TMEM275: variants seen among roughly 807,000 people sequenced by gnomAD.
TMEM275 encodes transmembrane protein 275.
At chr1:46,534,024 C>A (rs1557798830) in intron 1 of TMEM275, among the ~76,000 whole-genome samples, 2 of 152,158 alleles carry the variant, frequency 1.3e-5, no homozygotes, top group Admixed American at 6.5e-5. Flanking sequence ...TGATAATCAT[C>A]GTCTTCAGTA....
intron 1 of TMEM275, among the ~76,000 whole-genome samples, 124 bp from the exon 3 acceptor site, chr1:46,534,165 C>G (rs1041598693): frequency 1.4e-5 from 2 of 142,774 alleles, no homozygotes; most frequent in African/African-American, 5.3e-5. Context: ...GAAACCGAGG[C>G]TCCCAGAGGT....
rs1666689172 is a variant in TMEM275 at position 46,533,112 on chromosome 1, C to A, written c.416G>T (p.Gly139Val). Residue 139 changes from glycine to valine, a missense_variant, in exon 2 of 2, where the codon GGC becomes GTC. Transcript: ENST00000634804. This position sits in a 1 kb window ranked among gnomAD's most constrained non-coding sequence, Gnocchi z 4.4. The stretch of plus-strand genomic sequence containing the variant: ...GGGGCTGGGGCCGGGGCTGGAGCAG[C>A]CGGAGGACGCGGCGGAGACGGCAGG... 1 of 391,692 alleles carries A rather than the reference C, an allele frequency of 2.6e-6. No individual in the cohort carries two copies. Among genetic ancestry groups the A allele is most frequent in the African/African-American group, 2.1e-5 (1 of 48,310 alleles). The allele number at this position is 391,692 out of a possible 1,614,324, so 24.3% of individuals were successfully genotyped here.
Position 46,535,203 on chromosome 1 carries a change from AAC to A in TMEM275, c.-123-1555_-123-1554del, listed in dbSNP as rs906425013. Reference sequence around the variant, plus strand: ...GGCTAGTGTCAGATCCTTCACTTGCAACACACAGGATGCGCAGGTCAGAGGAC... The same window carrying A: ...GGCTAGTGTCAGATCCTTCACTTGCAACACAGGATGCGCAGGTCAGAGGAC... On this transcript the variant is annotated intron_variant, in intron 1 of 1. The change abolishes the stop of an existing upstream ORF in the 5' untranslated region. Transcript: ENST00000634804. Among the ~76,000 whole-genome samples, 8 of 152,192 alleles carry A rather than the reference AAC, an allele frequency of 5.3e-5. No homozygotes were observed. The highest frequency in any genetic ancestry group is 5.2e-4 in the Admixed American group (8 of 15,288).
At chr1:46,532,173 A>G (rs1666675558) in exon 2 of TMEM275, 1 of 152,258 alleles carries the variant, frequency 6.6e-6, no homozygotes, top group Non-Finnish European at 1.5e-5. Flanking sequence ...ACTGACTCCA[A>G]AGGTGCTTTA....
intron 1 of TMEM275, among the ~76,000 whole-genome samples, 153 bp downstream of exon 2, chr1:46,534,302 T>C (rs1411598862): frequency 6.6e-6 from 1 of 152,110 alleles, no homozygotes; most frequent in Non-Finnish European, 1.5e-5. Flanking sequence ...GATGAGGCCC[T>C]GGAGTGAGTG....
rs1666701181 is a variant in TMEM275 at position 46,533,576 on chromosome 1, CG to C, written c.-50del. ...ATCAAGCTCCCTCCTGCCGCCGGCC[CG>C]GAACAGCCCAACTGCCAGGAGCCTC... On this transcript the variant is annotated 5_prime_UTR_variant, in exon 2 of 2. Coordinates refer to ENST00000634804, the Ensembl canonical transcript of TMEM275. This position sits in a 1 kb window ranked among gnomAD's most constrained non-coding sequence, Gnocchi z 4.4. 8.0e-5 allele frequency: 31 copies of C among 385,118 alleles called. 1 individual carries two copies. In the South Asian group the frequency reaches 4.0e-3, roughly 50 times the overall value. The allele number at this position is 385,118 out of a possible 1,614,324, so 23.9% of individuals were successfully genotyped here. A position where few individuals can be genotyped will look rare whatever the true frequency, so the allele number is the denominator to read the frequency against.
chr1:46,534,282 C>G (rs1202943467), intron 1 of TMEM275, among the ~76,000 whole-genome samples, 173 bp downstream of exon 2: 1 of 152,182 alleles, frequency 6.6e-6, no homozygotes, highest in Non-Finnish European at 1.5e-5. Flanking sequence ...ACTGACTCTC[C>G]TGAACATCAG....
Position 46,533,713 on chromosome 1 carries a change from G to C in TMEM275, c.-123-63C>G. 1 of 365,224 alleles carries C rather than the reference G, an allele frequency of 2.7e-6. No homozygotes were observed. The highest frequency in any genetic ancestry group is 4.9e-6 in the Non-Finnish European group (1 of 204,916). 22.6% of individuals were successfully genotyped at this position (365,224 alleles called of 1,614,324 possible). A position where few individuals can be genotyped will look rare whatever the true frequency, so the allele number is the denominator to read the frequency against. ...ATCTTGACCTCCAGTCCTAGGCTCC[G>C]TCTGTAGCTACACTGAGTGCCTGGG... On this transcript the variant is annotated intron_variant, in intron 1 of 1. Transcript: ENST00000634804. The surrounding 1 kb of genome is among the most constrained non-coding windows in gnomAD (Gnocchi z 4.4).
rs780214307 is a variant in TMEM275, at chr1:46,533,608, G to A, written c.-81C>T. 4.1e-4 allele frequency: 151 copies of A among 372,098 alleles called. No individual in the cohort carries two copies. Among genetic ancestry groups the A allele is most frequent in the Non-Finnish European group, 6.7e-4 (140 of 209,854 alleles). The allele number at this position is 372,098 out of a possible 1,614,324, so 23.0% of individuals were successfully genotyped here. Reference sequence around the variant, plus strand: ...GCCCAACTGCCAGGAGCCTCCTCACGCTGGTCCTGTGGGCAACTGCCAGGA... The same window carrying A: ...GCCCAACTGCCAGGAGCCTCCTCACACTGGTCCTGTGGGCAACTGCCAGGA... On this transcript the variant is annotated 5_prime_UTR_variant, in exon 2 of 2. Coordinates refer to ENST00000634804, the Ensembl canonical transcript of TMEM275. The surrounding 1 kb of genome is among the most constrained non-coding windows in gnomAD (Gnocchi z 4.4).
intron 1 of TMEM275, among the ~76,000 whole-genome samples, 179 bp downstream of exon 2, chr1:46,534,276 A>T (rs2148500803): frequency 6.6e-6 from 1 of 152,120 alleles, no homozygotes. Context: ...AATGACACTG[A>T]CTCTCCTGAA....
chr1:46,533,832 GTTCC>G lies in TMEM275; in HGVS notation c.-123-186_-123-183del, dbSNP rs1666704541. 6.6e-6 allele frequency among the ~76,000 whole-genome samples: 1 copy of G among 152,196 alleles called. No homozygotes were observed. The highest frequency in any genetic ancestry group is 1.5e-5 in the Non-Finnish European group (1 of 68,036). The stretch of plus-strand genomic sequence containing the variant: ...AAGAATCGACTTGTTTCCCCACCTA[GTTCC>G]GGGGGTCCCTCGTGGCCAATCTTGC... On this transcript the variant is annotated intron_variant, in intron 1 of 1. Coordinates refer to ENST00000634804, the Ensembl canonical transcript of TMEM275. This position sits in a 1 kb window ranked among gnomAD's most constrained non-coding sequence, Gnocchi z 4.4.
chr1:46,534,300 C>A (rs766643877), intron 1 of TMEM275, among the ~76,000 whole-genome samples, 155 bp downstream of exon 2: 1 of 152,086 alleles, frequency 6.6e-6, no homozygotes, highest in Non-Finnish European at 1.5e-5. Flanking sequence ...CAGATGAGGC[C>A]CTGGAGTGAG....
At chr1:46,535,221 G>T (rs1385962886) in intron 1 of TMEM275, among the ~76,000 whole-genome samples, 3 of 152,260 alleles carry the variant, frequency 2.0e-5, no homozygotes, top group Middle Eastern at 3.4e-3. Context: ...GGATGCGCAG[G>T]TCAGAGGACT....
In TMEM275 at chr1:46,533,531, C is replaced by G. The variant is rs1666700061; in HGVS notation, c.-4G>C. ...CGCTCTTTTCTGCCGGCGGCATCGG[C>G]CTGCGCACGCCAGGCACGCATCAAG... is the stretch of plus-strand genomic sequence containing the variant. On this transcript the variant is annotated 5_prime_UTR_variant, in exon 2 of 2. Coordinates refer to ENST00000634804, the Ensembl canonical transcript of TMEM275. This position sits in a 1 kb window ranked among gnomAD's most constrained non-coding sequence, Gnocchi z 4.4. The G allele has an allele frequency of 5.1e-6, 2 of 388,624 alleles. No individual in the cohort carries two copies. Among genetic ancestry groups the G allele is most frequent in the Non-Finnish European group, 9.1e-6 (2 of 219,498 alleles). The allele number at this position is 388,624 out of a possible 1,614,324, so 24.1% of individuals were successfully genotyped here.
At chr1:46,532,892 GTTTTCTTTTTTCT>G (rs926193210) in exon 2 of TMEM275, 7 of 387,982 alleles carry the variant, frequency 1.8e-5, no homozygotes, top group African/African-American at 1.0e-4. Flanking sequence ...GGAAGAAAAG[GTTTTCTTTTTTCT>G]TTTTCTTTTC....
chr1:46,532,871 A>AAAGG lies in TMEM275; in HGVS notation c.*119_*122dup, dbSNP rs1241031943. On this transcript the variant is annotated 3_prime_UTR_variant, in exon 2 of 2. Coordinates refer to ENST00000634804, the Ensembl canonical transcript of TMEM275. Reference sequence around the variant, plus strand: ...CCAGCACCAGACCCTTGTAAAAAAGAAAGGAAGGAAGGAAGAAAAGGTTTT... The same window carrying AAAGG: ...CCAGCACCAGACCCTTGTAAAAAAGAAAGGAAGGAAGGAAGGAAGAAAAGGTTTT... The AAAGG allele has an allele frequency of 4.9e-5, 19 of 385,942 alleles. No homozygotes were observed. In the South Asian group the frequency reaches 2.2e-3, roughly 44 times the overall value. 23.9% of individuals were successfully genotyped at this position (385,942 alleles called of 1,614,324 possible).
exon 2 of TMEM275, chr1:46,532,320 C>A (rs1666678105): frequency 6.6e-6 from 1 of 152,302 alleles, no homozygotes; most frequent in African/African-American, 2.4e-5. Flanking sequence ...CTGTCAGGGC[C>A]CCAGTCTCAG....
At chr1:46,532,961 C>T in exon 2 of TMEM275, 1 of 395,786 alleles carries the variant, frequency 2.5e-6, no homozygotes, top group Non-Finnish European at 4.5e-6. Flanking sequence ...GGAATGAACC[C>T]GGACAGCGGA....
chr1:46,533,990 A>G lies in TMEM275; in HGVS notation c.-123-340T>C, dbSNP rs1195372628. On this transcript the variant is annotated intron_variant, in intron 1 of 1. Transcript: ENST00000634804. The surrounding 1 kb of genome is among the most constrained non-coding windows in gnomAD (Gnocchi z 4.4). ...CTGGAAAGTGCTCAGCACAGTGTCC[A>G]GTTCAGCTTAGGTGCTCATCACATG... 6.6e-6 allele frequency among the ~76,000 whole-genome samples: 1 copy of G among 152,156 alleles called. No homozygotes were observed. The highest frequency in any genetic ancestry group is 1.5e-5 in the Non-Finnish European group (1 of 68,030).
Sources: gnomAD v4.1 joint callset for allele counts (sites outside exome capture counted in the v4.1 genomes callset) on GRCh38, gnomAD v4.1.1 for gene constraint, Gnocchi (gnomAD v3.1) non-coding constraint, MANE v1.5 for transcripts, NCBI Gene and HGNC (gene_info 2026-07-23, HGNC 2026-07-21) for gene names.